The following WDR49 variants were observed in gnomAD, a reference collection of about 807,000 sequenced individuals.
The protein encoded by WDR49 is WD repeat domain 49, also known as cilia- and flagella-associated protein 337.
A neutral mutation model predicts 119.5 loss-of-function variants in WDR49; 107 were observed. That is an observed-to-expected ratio of 0.90 (90% CI 0.77 to 1.05). The LOEUF (loss-of-function observed/expected upper bound fraction) is 1.05, where lower values mean the gene tolerates loss of function less well. WDR49 is among the 50% of genes least tolerant of loss of function. The pLI is 0.00. For synonymous variants in WDR49, 425 were observed against 418.8 expected, an observed-to-expected ratio of 1.01 and a Z score of -0.18; for missense variants, 1,240 against 1,220.5, an observed-to-expected ratio of 1.02 and a Z score of -0.24.
At chr3:167,504,181 C>T (rs1751685714) in intron 17 of WDR49, among the ~76,000 whole-genome samples, 1 of 152,188 alleles carries the variant, frequency 6.6e-6, no homozygotes, top group Non-Finnish European at 1.5e-5. Flanking sequence ...AAGAGGGCCA[C>T]TGTTCTCCAT....
At chr3:167,528,706 A>C (rs1752729006) in intron 14 of WDR49, among the ~76,000 whole-genome samples, 1 of 152,002 alleles carries the variant, frequency 6.6e-6, no homozygotes, top group African/African-American at 2.4e-5. Flanking sequence ...TGACAGAGGG[A>C]GATCCTGTCT....
intron 2 of WDR49, among the ~76,000 whole-genome samples, chr3:167,639,869 T>C (rs1717799032): frequency 6.6e-6 from 1 of 151,712 alleles, no homozygotes; most frequent in African/African-American, 2.4e-5. Flanking sequence ...TCTGTGCCTA[T>C]ACCTAGGCTG....
At chr3:167,491,377 A>G (rs1330479823) in intron 18 of WDR49, among the ~76,000 whole-genome samples, 1 of 152,102 alleles carries the variant, frequency 6.6e-6, no homozygotes, top group East Asian at 1.9e-4. Context: ...GAAACAGCTA[A>G]CCACAAAGGA....
intron 2 of WDR49, among the ~76,000 whole-genome samples, chr3:167,635,882 G>A (rs185110525): frequency 3.7e-4 from 56 of 151,768 alleles, no homozygotes; most frequent in East Asian, 1.4e-3. Flanking sequence ...TTAGGTATAC[G>A]TATTTGTTCA....
rs1714230239 is a variant in WDR49 at position 167,575,978 on chromosome 3, C to T, written c.1449G>A (p.Lys483=). 1 of 1,614,166 alleles carries T rather than the reference C, an allele frequency of 6.2e-7. No individual in the cohort carries two copies. Among genetic ancestry groups the T allele is most frequent in the African/African-American group, 1.3e-5 (1 of 75,046 alleles). ...ALLAMKSEAS[K]RVKSHEKAVT... is the part of the protein sequence containing the mutation. ...CTGCTTTCTCATGGCTTTTCACCCT[C>T]TTGCTGGCTTCACTTTTCATTGCCA... Residue 483 remains lysine (K), a synonymous_variant, in exon 8 of 19, where the codon AAG becomes AAA. Transcript: ENST00000682715.
upstream of WDR49, among the ~76,000 whole-genome samples, chr3:167,656,261 C>T (rs1179823301): frequency 2.0e-5 from 3 of 152,154 alleles, no homozygotes; most frequent in Non-Finnish European, 4.4e-5. Context: ...CTACAAGTTC[C>T]CCTAAGTTAT....
chr3:167,523,150 G>A (rs4305424), intron 15 of WDR49, among the ~76,000 whole-genome samples: 41,036 of 151,906 alleles, frequency 0.27, 6,558 homozygotes, highest in African/African-American at 0.46. Flanking sequence ...TGGCTGGTGC[G>A]CAAATTGATC....
intron 5 of WDR49, among the ~76,000 whole-genome samples, chr3:167,617,102 AG>A (rs956478579): frequency 2.6e-5 from 4 of 152,210 alleles, no homozygotes; most frequent in African/African-American, 7.2e-5. Context: ...GCCAAAATTG[AG>A]AACCTTGCAA....
intron 5 of WDR49, among the ~76,000 whole-genome samples, chr3:167,613,109 G>C (rs1448710304): frequency 6.6e-6 from 1 of 152,052 alleles, no homozygotes; most frequent in East Asian, 1.9e-4. Flanking sequence ...CCAGTCCCCA[G>C]GTTGTACTTA....
chr3:167,549,719 T>C (rs1391679138), intron 10 of WDR49, among the ~76,000 whole-genome samples: 4 of 152,196 alleles, frequency 2.6e-5, no homozygotes, highest in Admixed American at 6.5e-5. Context: ...TTGTCAATTT[T>C]GGCTTTTGTT....
intron 11 of WDR49, among the ~76,000 whole-genome samples, 168 bp downstream of exon 11, chr3:167,536,702 T>TAC (rs1378423499): frequency 7.4e-4 from 89 of 120,836 alleles, no homozygotes; most frequent in African/African-American, 3.3e-3. Context: ...TATATATATA[T>TAC]ATACACACAC....
At chr3:167,586,750 C>T (rs2108292815) in intron 7 of WDR49, among the ~76,000 whole-genome samples, 1 of 152,242 alleles carries the variant, frequency 6.6e-6, no homozygotes, top group East Asian at 1.9e-4. Flanking sequence ...TTTAGACTAA[C>T]ATGAAAGACA....
intron 2 of WDR49, among the ~76,000 whole-genome samples, chr3:167,631,251 G>A (rs1329772016): frequency 2.0e-5 from 3 of 151,802 alleles, no homozygotes; most frequent in Admixed American, 1.3e-4. Flanking sequence ...GTGTACCCTA[G>A]AACTTAAAGT....
intron 8 of WDR49, 135 bp downstream of exon 8, chr3:167,575,783 T>A: frequency 2.4e-6 from 2 of 837,270 alleles, no homozygotes; most frequent in Non-Finnish European, 3.7e-6. Flanking sequence ...GAAAAGCACA[T>A]GGCTATTAAA....
chr3:167,644,056 C>T (rs1437035876), intron 2 of WDR49, among the ~76,000 whole-genome samples: 3 of 134,422 alleles, frequency 2.2e-5, no homozygotes, highest in Non-Finnish European at 4.7e-5. Context: ...CCAATCCCCA[C>T]CTTTTTTTTT....
intron 5 of WDR49, among the ~76,000 whole-genome samples, chr3:167,605,070 T>C (rs952880199): frequency 2.7e-5 from 4 of 150,520 alleles, no homozygotes; most frequent in South Asian, 2.1e-4. Context: ...GGCGTATATA[T>C]ACACACATAT....
intron 5 of WDR49, among the ~76,000 whole-genome samples, chr3:167,613,972 T>C (rs567522534): frequency 3.2e-4 from 48 of 152,062 alleles, no homozygotes; most frequent in Non-Finnish European, 5.4e-4. Context: ...GTGATTTTGT[T>C]AACAATTCAA....
Position 167,576,041 on chromosome 3 carries a change from T to A in WDR49, c.1386A>T (p.Gly462=). ...GGTTATTAAACGAGATGAAAAGTCGTCCATGGGCTTCATCAAAGTGGAAGA... is the reference window on the plus strand; with the variant it reads ...GGTTATTAAACGAGATGAAAAGTCGACCATGGGCTTCATCAAAGTGGAAGA... The part of the protein sequence containing the change: ...RCLFHFDEAH[G]RLFISFNNQL... Residue 462 remains glycine (G), a synonymous_variant, in exon 8 of 19, where the codon GGA becomes GGT. Transcript: ENST00000682715. 6.2e-7 allele frequency: 1 copy of A among 1,614,168 alleles called. No homozygotes were observed. Among genetic ancestry groups the A allele is most frequent in the Non-Finnish European group, 8.5e-7 (1 of 1,180,014 alleles).
chr3:167,536,830 C>T, intron 11 of WDR49, 40 bp downstream of exon 11: 2 of 1,418,252 alleles, frequency 1.4e-6, no homozygotes, highest in Non-Finnish European at 1.8e-6. Context: ...CAAAACAAAT[C>T]AAACTTCACC....
Sources: allele counts gnomAD v4.1 joint callset (sites outside exome capture counted in the v4.1 genomes callset), GRCh38; gene constraint gnomAD v4.1.1; transcripts MANE v1.5; gene names NCBI Gene and HGNC (gene_info 2026-07-23, HGNC 2026-07-21).